NOBOX: variants seen among roughly 807,000 people sequenced by gnomAD.
NOBOX encodes the protein homeobox protein NOBOX.
NOBOX carries 46 observed loss-of-function variants against 60.2 expected under a neutral mutation model. The ratio of observed to expected loss-of-function variants is 0.76; its 90% CI spans 0.60 to 0.98. NOBOX has a LOEUF of 0.98. NOBOX is among the 50% of genes least tolerant of loss of function. The pLI, the probability that NOBOX is intolerant of heterozygous loss-of-function variation, is 0.00. For missense variants in NOBOX, 880 were observed against 865.5 expected (o/e 1.02, Z -0.21); for synonymous variants, 360 against 346.3 (o/e 1.04, Z -0.44).
chr7:144,399,451 T>C lies in NOBOX; in HGVS notation c.1186A>G (p.Met396Val), dbSNP rs368571747. The stretch of plus-strand genomic sequence containing the variant: ...GGGAAAGGGTCAGGCTTTGGCTCCA[T>C]GGGCACAGCAGGTAGGATCTCAGCT... The change falls in exon 7 of 10, where the codon ATG becomes GTG. Residue 396 changes from methionine to valine, a missense_variant. By Grantham distance (21) the Met-to-Val change is conservative. Transcript: ENST00000467773. 3 of 1,586,350 alleles carry C rather than the reference T, an allele frequency of 1.9e-6. No individual in the cohort carries two copies. Among genetic ancestry groups the C allele is most frequent in the African/African-American group, 1.3e-5 (1 of 74,580 alleles).
chr7:144,410,006 A>G, intron 1 of NOBOX: 2 of 552,586 alleles, frequency 3.6e-6, no homozygotes, highest in East Asian at 5.9e-5. Context: ...GATTTTTCCA[A>G]TGTTTGAGTC....
intron 1 of NOBOX, among the ~76,000 whole-genome samples, chr7:144,408,891 A>T (rs1315939756): frequency 2.0e-5 from 3 of 152,218 alleles, no homozygotes; most frequent in African/African-American, 7.2e-5. Flanking sequence ...ACAAGATAAA[A>T]CTGCACAGAA....
intron 1 of NOBOX, among the ~76,000 whole-genome samples, chr7:144,409,941 A>AT (rs909187134): frequency 6.6e-6 from 1 of 152,152 alleles, no homozygotes; most frequent in Non-Finnish European, 1.5e-5. Context: ...TGAACAAGGT[A>AT]TTTTTTCCTC....
In NOBOX at chr7:144,399,089, T is replaced by C; in HGVS notation, c.1330A>G (p.Ser444Gly). 3.5e-6 allele frequency: 3 copies of C among 864,718 alleles called. No individual in the cohort carries two copies. The highest frequency in any genetic ancestry group is 5.5e-6 in the Non-Finnish European group (3 of 542,050). The allele number at this position is 864,718 out of a possible 1,614,324, so 53.6% of individuals were successfully genotyped here. The change falls in exon 8 of 10, where the codon AGC becomes GGC. Residue 444 changes from serine (S) to glycine (G), a missense_variant. Ser to Gly is a moderately conservative substitution (Grantham distance 56). Transcript: ENST00000467773. ...TCGGCCCTTCGCACAGGTGGGGGGCTGAAGAGTGGGGGGGTCACCACCCTC... is the reference window on the plus strand; with the variant it reads ...TCGGCCCTTCGCACAGGTGGGGGGCCGAAGAGTGGGGGGGTCACCACCCTC...
Position 144,399,170 on chromosome 7 carries a change from TGG to T in NOBOX, c.1247_1248del (p.Pro416HisfsTer6). ...AAAGTCTGGTCAGAAGTCAGCAGCA[TGG>T]GGGGCTCTAGGAACAGAAGGCAAAG... On this transcript the variant is annotated frameshift_variant, in exon 8 of 10. Coordinates refer to ENST00000467773, the MANE Select transcript of NOBOX (RefSeq NM_001080413.3). LOFTEE classifies it high-confidence loss of function. The T allele has an allele frequency of 6.5e-7, 1 of 1,530,904 alleles. No homozygotes were observed. Among genetic ancestry groups the T allele is most frequent in the Non-Finnish European group, 8.9e-7 (1 of 1,121,808 alleles). The allele number at this position is 1,530,904 out of a possible 1,614,324, so 94.8% of individuals were successfully genotyped here.
intron 1 of NOBOX, chr7:144,404,826 TATACAAACAAA>T: frequency 2.0e-6 from 2 of 1,005,248 alleles, no homozygotes; most frequent in Non-Finnish European, 2.9e-6. Context: ...TTACTATCTT[TATACAAACAAA>T]ATCAGAATTT....
intron 1 of NOBOX, among the ~76,000 whole-genome samples, chr7:144,405,847 A>G (rs1251848799): frequency 6.6e-6 from 1 of 152,142 alleles, no homozygotes; most frequent in Non-Finnish European, 1.5e-5. Context: ...ATCCATTTGA[A>G]TCCCCTCAGG....
rs1336125468 is a variant in NOBOX, at chr7:144,401,477, G to A, written c.413C>T (p.Ser138Leu). The change falls in exon 4 of 10, where the codon TCA becomes TTA. Residue 138 changes from serine (S) to leucine (L), a missense_variant. Coordinates refer to ENST00000467773, the MANE Select transcript of NOBOX (RefSeq NM_001080413.3). The surrounding 1 kb of genome is among the most constrained non-coding windows in gnomAD (Gnocchi z 4.2). The stretch of plus-strand genomic sequence containing the variant: ...GACTGCTGGCGGCTTCTTCTCTCCT[G>A]AGATGGTGCAGGAGGGTGGCAGTTC... The A allele has an allele frequency of 9.6e-6, 15 of 1,570,594 alleles. No individual in the cohort carries two copies. The highest frequency in any genetic ancestry group is 1.3e-5 in the Non-Finnish European group (15 of 1,160,430).
intron 2 of NOBOX, among the ~76,000 whole-genome samples, chr7:144,404,172 C>G (rs902958796): frequency 6.6e-6 from 1 of 152,200 alleles, no homozygotes; most frequent in Non-Finnish European, 1.5e-5. Flanking sequence ...AAAGGGGAAG[C>G]GCTGGGTTGC....
At chr7:144,400,366 G>A in intron 4 of NOBOX, 54 bp from the exon 3 acceptor site, 1 of 1,517,782 alleles carries the variant, frequency 6.6e-7, no homozygotes, top group Admixed American at 1.7e-5. Context: ...ACAGGTAGGT[G>A]AAGAGAAAGA....
In NOBOX at chr7:144,397,489, CG is replaced by C; in HGVS notation, c.1826del (p.Pro609ArgfsTer?). Reference sequence around the variant, plus strand: ...GATGCCCCAGAGCTTGTGGGCAGAACGGACCAGGGAAGGGCAGCTCTGGCAA... The same window carrying C: ...GATGCCCCAGAGCTTGTGGGCAGAACGACCAGGGAAGGGCAGCTCTGGCAA... On this transcript the variant is annotated frameshift_variant, in exon 10 of 10. Transcript: ENST00000467773. LOFTEE classifies it low-confidence loss of function (END_TRUNC). 6.5e-7 allele frequency: 1 copy of C among 1,536,992 alleles called. No individual in the cohort carries two copies. The highest frequency in any genetic ancestry group is 1.2e-5 in the South Asian group (1 of 84,024).
chr7:144,409,702 G>A (rs1219492524), intron 1 of NOBOX, among the ~76,000 whole-genome samples: 1 of 151,974 alleles, frequency 6.6e-6, no homozygotes, highest in East Asian at 1.9e-4. Flanking sequence ...TCCCTTAATG[G>A]CTTTTAAAAA....
chr7:144,401,068 C>G lies in NOBOX; in HGVS notation c.822G>C (p.Lys274Asn). ...TACCTGAGCGGTATAGGGTTCGTGT[C>G]TTTTTCCTAATTTGGCAGGTCACTT... Residue 274 changes from lysine (K) to asparagine (N), a missense_variant, in exon 4 of 10, where the codon AAG (lysine) becomes AAC (asparagine). Transcript: ENST00000467773. This position sits in a 1 kb window ranked among gnomAD's most constrained non-coding sequence, Gnocchi z 4.2. 1 of 1,528,750 alleles carries G rather than the reference C, an allele frequency of 6.5e-7. No individual in the cohort carries two copies. The highest frequency in any genetic ancestry group is 8.8e-7 in the Non-Finnish European group (1 of 1,141,020). 94.7% of individuals were successfully genotyped at this position (1,528,750 alleles called of 1,614,324 possible). A position where few individuals can be genotyped will look rare whatever the true frequency, so the allele number is the denominator to read the frequency against.
At position 144,399,192 on chromosome 7, in the gene NOBOX, G is replaced by A; in HGVS notation, c.1241-14C>T. The A allele has an allele frequency of 7.8e-7, 1 of 1,287,426 alleles. No individual in the cohort carries two copies. The highest frequency in any genetic ancestry group is 1.3e-5 in the South Asian group (1 of 75,912). The allele number at this position is 1,287,426 out of a possible 1,614,324, so 79.8% of individuals were successfully genotyped here. ...GCATGGGGGGCTCTAGGAACAGAAGGCAAAGAGGTGCTATAACGGTAAGGA... is the reference window on the plus strand; with the variant it reads ...GCATGGGGGGCTCTAGGAACAGAAGACAAAGAGGTGCTATAACGGTAAGGA... On this transcript the variant is annotated splice_polypyrimidine_tract_variant and intron_variant, in intron 7 of 9. Coordinates refer to ENST00000467773, the MANE Select transcript of NOBOX (RefSeq NM_001080413.3).
At chr7:144,403,604 T>TCCCCCAACC in intron 2 of NOBOX, 53 bp downstream of exon 1, 1 of 306,708 alleles carries the variant, frequency 3.3e-6, no homozygotes. Flanking sequence ...CCTCCCCCCC[T>TCCCCCAACC]CCCCGAACCC....
intron 1 of NOBOX, chr7:144,404,795 T>G: frequency 1.7e-6 from 2 of 1,200,360 alleles, no homozygotes; most frequent in Non-Finnish European, 1.2e-6. Flanking sequence ...GCCTTATGAT[T>G]CCTGGTTCAC....
intron 2 of NOBOX, 107 bp downstream of exon 1, chr7:144,403,550 A>G (rs2053958915): frequency 6.4e-6 from 2 of 311,890 alleles, no homozygotes; most frequent in Non-Finnish European, 1.3e-5. Context: ...CCCTCGGCCT[A>G]CTGAAGCTCT....
intron 1 of NOBOX, among the ~76,000 whole-genome samples, chr7:144,409,556 CAA>C (rs2054008164): frequency 6.6e-6 from 1 of 152,176 alleles, no homozygotes; most frequent in South Asian, 2.1e-4. Context: ...TGTATTGTTT[CAA>C]AGTCTTCAGA....
In NOBOX at chr7:144,401,551, C is replaced by T; in HGVS notation, c.339G>A (p.Glu113=). 6.6e-7 allele frequency: 1 copy of T among 1,513,208 alleles called. No homozygotes were observed. Among genetic ancestry groups the T allele is most frequent in the Non-Finnish European group, 8.8e-7 (1 of 1,136,436 alleles). The allele number at this position is 1,513,208 out of a possible 1,614,324, so 93.7% of individuals were successfully genotyped here. A position where few individuals can be genotyped will look rare whatever the true frequency, so the allele number is the denominator to read the frequency against. The stretch of plus-strand genomic sequence containing the variant: ...GAGGGGCTGAGCCCCGGAGCAGTTC[C>T]TCCTCCCCGGGTCCTGCAGCCAGGG... The change falls in exon 4 of 10, where the codon GAG becomes GAA. Residue 113 remains glutamate (E), a synonymous_variant. Transcript: ENST00000467773. This position sits in a 1 kb window ranked among gnomAD's most constrained non-coding sequence, Gnocchi z 4.2.
Sources: allele counts gnomAD v4.1 joint callset (sites outside exome capture counted in the v4.1 genomes callset), GRCh38; gene constraint gnomAD v4.1.1; non-coding constraint Gnocchi (gnomAD v3.1); transcripts MANE v1.5; gene names NCBI Gene and HGNC (gene_info 2026-07-23, HGNC 2026-07-21).